The following PTPRZ1 variants were observed in gnomAD, a reference collection of about 807,000 sequenced individuals.
PTPRZ1 encodes the protein protein tyrosine phosphatase receptor type Z1.
Under a neutral mutation model 214.1 loss-of-function variants are expected in PTPRZ1, and 82 were observed. That is an observed-to-expected ratio of 0.38 (90% CI 0.32 to 0.46). PTPRZ1 has a LOEUF of 0.46. Ranked by LOEUF, PTPRZ1 falls within the 20% of genes least tolerant of loss-of-function variation. The pLI, the probability that PTPRZ1 is intolerant of heterozygous loss-of-function variation, is 1.00. For synonymous variants in PTPRZ1, 945 were observed against 987.9 expected, an observed-to-expected ratio of 0.96 and a Z score of 0.81; for missense variants, 2,603 against 2,748.7, an observed-to-expected ratio of 0.95 and a Z score of 1.19.
At chr7:121,923,615 A>G (rs1206500) in intron 1 of PTPRZ1, among the ~76,000 whole-genome samples, 103,778 of 151,704 alleles carry the variant, frequency 0.68, 37,099 homozygotes, top group African/African-American at 0.9. Flanking sequence ...TTAGGGTAAG[A>G]CCACAATCAG....
At position 122,040,928 on chromosome 7, in the gene PTPRZ1, A is replaced by G; in HGVS notation, c.5750A>G (p.Lys1917Arg). ...CTGCCAGTGCTGACCTTTGTGAGAA[A>G]GGCAGCCTATGCCAAGCGCCATGCA... is the stretch of plus-strand genomic sequence containing the variant. The part of the protein sequence containing the change: ...YSLPVLTFVR[K>R]AAYAKRHAVG... Residue 1917 changes from lysine (K) to arginine (R), a missense_variant, in exon 21 of 30, where the codon AAG becomes AGG. By Grantham distance (26) the Lys-to-Arg change is conservative. This residue lies in a region of PTPRZ1 where 1,913 missense variants were observed against 1,914.3 expected (regional missense o/e 1.00). Coordinates refer to ENST00000393386, the MANE Select transcript of PTPRZ1 (RefSeq NM_002851.3). The G allele has an allele frequency of 6.2e-7, 1 of 1,602,398 alleles. No individual in the cohort carries two copies. Among genetic ancestry groups the G allele is most frequent in the Non-Finnish European group, 8.5e-7 (1 of 1,171,172 alleles).
At chr7:121,982,785 T>C (rs564310478) in intron 6 of PTPRZ1, among the ~76,000 whole-genome samples, 36 of 152,328 alleles carry the variant, frequency 2.4e-4, no homozygotes, top group Middle Eastern at 6.8e-3. Context: ...TTCTTTCTTT[T>C]TTTTTTGAGA....
In PTPRZ1 at chr7:121,972,719, A is replaced by G. The variant is rs764763142; in HGVS notation, c.456+27A>G. ...TAAGTCAGGAGATCTGCTGTGTACT[A>G]TTTTATTTTCTAAATAATTGATGTT... On this transcript the variant is annotated intron_variant, in intron 4 of 29. Coordinates refer to ENST00000393386, the MANE Select transcript of PTPRZ1 (RefSeq NM_002851.3). 1.6e-5 allele frequency: 23 copies of G among 1,469,106 alleles called. 1 individual carries two copies. The South Asian group carries it at 1.9e-4, about 12-fold the overall frequency. 91.0% of individuals were successfully genotyped at this position (1,469,106 alleles called of 1,614,324 possible).
intron 10 of PTPRZ1, 49 bp downstream of exon 10, chr7:121,998,055 G>C (rs370696880): frequency 2.6e-6 from 4 of 1,560,312 alleles, no homozygotes; most frequent in Non-Finnish European, 3.5e-6. Flanking sequence ...AATGAGGTTA[G>C]TTTAATTACT....
chr7:121,963,251 T>G (rs1186315992), intron 2 of PTPRZ1, among the ~76,000 whole-genome samples: 1 of 152,116 alleles, frequency 6.6e-6, no homozygotes, highest in East Asian at 1.9e-4. Context: ...GAAAGTTAGG[T>G]GCAGAATAAA....
intron 1 of PTPRZ1, among the ~76,000 whole-genome samples, chr7:121,917,398 C>T (rs1295119009): frequency 6.6e-5 from 10 of 152,022 alleles, no homozygotes. Flanking sequence ...CATACTTACC[C>T]TTAAAACTAA....
intron 1 of PTPRZ1, among the ~76,000 whole-genome samples, chr7:121,874,705 A>G (rs528110596): frequency 1.6e-4 from 25 of 152,274 alleles, no homozygotes; most frequent in African/African-American, 4.6e-4. Flanking sequence ...AGACCCCCAC[A>G]CACGGACATA....
intron 10 of PTPRZ1, among the ~76,000 whole-genome samples, chr7:121,999,500 A>G (rs979811979): frequency 8.5e-5 from 13 of 152,318 alleles, no homozygotes; most frequent in African/African-American, 2.9e-4. Context: ...AATATGGCAT[A>G]TAAAAAAATC....
intron 8 of PTPRZ1, among the ~76,000 whole-genome samples, chr7:121,986,102 G>A (rs1283053143): frequency 6.6e-6 from 1 of 152,164 alleles, no homozygotes; most frequent in Non-Finnish European, 1.5e-5. Context: ...ACAGTTAAGT[G>A]TTAAAGGCCC....
chr7:121,934,680 A>C (rs1796021973), intron 2 of PTPRZ1, among the ~76,000 whole-genome samples: 1 of 152,200 alleles, frequency 6.6e-6, no homozygotes, highest in South Asian at 2.1e-4. Flanking sequence ...GATCCCAAAC[A>C]GATTGAACAA....
At chr7:121,993,307 T>C (rs1031091027) in intron 8 of PTPRZ1, among the ~76,000 whole-genome samples, 3 of 151,726 alleles carry the variant, frequency 2.0e-5, no homozygotes, top group African/African-American at 7.3e-5. Context: ...ATCCCAGCAC[T>C]TGGGGAGGCT....
chr7:121,881,735 C>T (rs1197000387), intron 1 of PTPRZ1, among the ~76,000 whole-genome samples: 1 of 152,102 alleles, frequency 6.6e-6, no homozygotes, highest in Non-Finnish European at 1.5e-5. Flanking sequence ...GCCAGGGAAA[C>T]TTTAGGAGGC....
At chr7:121,904,881 T>C (rs1381277964) in intron 1 of PTPRZ1, among the ~76,000 whole-genome samples, 3 of 152,152 alleles carry the variant, frequency 2.0e-5, no homozygotes, top group Admixed American at 6.6e-5. Flanking sequence ...AGAAAAATAA[T>C]GATATTAGGT....
At chr7:122,056,257 C>T (rs1307517156) in intron 27 of PTPRZ1, among the ~76,000 whole-genome samples, 1 of 151,760 alleles carries the variant, frequency 6.6e-6, no homozygotes, top group Non-Finnish European at 1.5e-5. Flanking sequence ...GATCACTGAT[C>T]ATGTTTAATA....
At chr7:121,927,690 G>A (rs539878480) in intron 1 of PTPRZ1, among the ~76,000 whole-genome samples, 37 of 152,314 alleles carry the variant, frequency 2.4e-4, no homozygotes, top group African/African-American at 8.9e-4. Flanking sequence ...CATTAGGAAG[G>A]AAGCAAATTT....
chr7:121,938,468 T>C lies in PTPRZ1; in HGVS notation c.124+10247T>C, dbSNP rs1584660596. On this transcript the variant is annotated intron_variant, in intron 2 of 29. Transcript: ENST00000393386. ...TCATCCAGAGGGAAAATAAACTTCA[T>C]ATTTTTGAGACAAGAGGTAGCTTTA... is the stretch of plus-strand genomic sequence containing the variant. 2.0e-5 allele frequency among the ~76,000 whole-genome samples: 3 copies of C among 152,338 alleles called. No homozygotes were observed. The East Asian group carries it at 5.8e-4, about 29-fold the overall frequency.
intron 4 of PTPRZ1, among the ~76,000 whole-genome samples, chr7:121,973,349 G>GTA (rs1251191375): frequency 3.3e-5 from 5 of 152,016 alleles, no homozygotes; most frequent in African/African-American, 1.2e-4. Context: ...TCATGATAAG[G>GTA]TATTAATGGT....
chr7:121,936,893 C>T (rs1584658840), intron 2 of PTPRZ1, among the ~76,000 whole-genome samples: 2 of 152,130 alleles, frequency 1.3e-5, no homozygotes, highest in South Asian at 2.1e-4. Context: ...CAAACAGAAA[C>T]GAGCAAACAT....
chr7:122,055,468 C>G (rs1792318951), intron 27 of PTPRZ1, among the ~76,000 whole-genome samples: 1 of 149,820 alleles, frequency 6.7e-6, no homozygotes, highest in African/African-American at 2.5e-5. Context: ...CCTAAACTCT[C>G]CTAAGTAAAA....
Sources: allele counts gnomAD v4.1 joint callset (sites outside exome capture counted in the v4.1 genomes callset), GRCh38; gene constraint gnomAD v4.1.1; regional missense constraint gnomAD v4.1.1; transcripts MANE v1.5; gene names NCBI Gene and HGNC (gene_info 2026-07-23, HGNC 2026-07-21).